N4BP2: variants seen among roughly 807,000 people sequenced by gnomAD.
The protein encoded by N4BP2 is NEDD4 binding protein 2.
A neutral mutation model predicts 152.8 loss-of-function variants in N4BP2; 91 were observed. The observed-to-expected ratio is 0.60, with a 90% CI of 0.50 to 0.71. The LOEUF (loss-of-function observed/expected upper bound fraction) is 0.71, where lower values mean the gene tolerates loss of function less well. Ranked by LOEUF, N4BP2 falls within the 30% of genes least tolerant of loss-of-function variation. The pLI is 0.00. For missense variants in N4BP2, 1,923 were observed against 2,059.1 expected, an observed-to-expected ratio of 0.93 and a Z score of 1.28; for synonymous variants, 646 against 705.3, an observed-to-expected ratio of 0.92 and a Z score of 1.33.
In N4BP2 at chr4:40,121,267, A is replaced by C; in HGVS notation, c.3156A>C (p.Lys1052Asn). Residue 1052 changes from lysine (K) to asparagine (N), a missense_variant, in exon 9 of 18, where the codon AAA (lysine) becomes AAC (asparagine). Transcript: ENST00000261435. ...LTGRLDGFKP[K>N]VFNINTKSDV... is the part of the protein sequence containing the mutation. ...GAAGATTAGATGGATTTAAGCCGAA[A>C]GTTTTCAATATTAACACAAAATCAG... 1.2e-6 allele frequency: 2 copies of C among 1,613,318 alleles called. No individual in the cohort carries two copies. The highest frequency in any genetic ancestry group is 2.7e-5 in the African/African-American group (2 of 74,932).
the N4BP2 span, among the ~76,000 whole-genome samples, chr4:40,185,869 C>A: frequency 6.6e-6 from 1 of 152,140 alleles, no homozygotes; most frequent in Non-Finnish European, 1.5e-5. Context: ...GAAACCAGAC[C>A]TTGCAATCCT....
chr4:40,112,156 A>G lies in N4BP2; in HGVS notation c.1571A>G (p.Lys524Arg). ...DNTNLQAWEMKPYVALSQKHK... is the reference protein window; with the variant it reads ...DNTNLQAWEMRPYVALSQKHK... Reference sequence around the variant, plus strand: ...ACAAACCTACAGGCATGGGAAATGAAACCATATGTTGCTTTGGTTAGTACC... The same window carrying G: ...ACAAACCTACAGGCATGGGAAATGAGACCATATGTTGCTTTGGTTAGTACC... The change falls in exon 6 of 18, where the codon AAA (lysine) becomes AGA (arginine). Residue 524 changes from lysine to arginine, a missense_variant. Physicochemically the swap from Lys to Arg is conservative, Grantham distance 26. Transcript: ENST00000261435. 1 of 1,570,892 alleles carries G rather than the reference A, an allele frequency of 6.4e-7. No individual in the cohort carries two copies. The highest frequency in any genetic ancestry group is 8.7e-7 in the Non-Finnish European group (1 of 1,149,470).
At chr4:40,146,790 C>G (rs926118495) in intron 16 of N4BP2, among the ~76,000 whole-genome samples, 1 of 151,002 alleles carries the variant, frequency 6.6e-6, no homozygotes, top group Non-Finnish European at 1.5e-5. Context: ...AAGCTTGTAC[C>G]CTTTGACCAG....
At chr4:40,133,090 A>G (rs1719042681) in intron 13 of N4BP2, among the ~76,000 whole-genome samples, 2 of 152,086 alleles carry the variant, frequency 1.3e-5, no homozygotes, top group Non-Finnish European at 2.9e-5. Flanking sequence ...CTTCTCAGAG[A>G]GAGAATCTTG....
At chr4:40,133,220 TAACA>T (rs1177962571) in intron 13 of N4BP2, among the ~76,000 whole-genome samples, 2 of 152,212 alleles carry the variant, frequency 1.3e-5, no homozygotes, top group Non-Finnish European at 2.9e-5. Flanking sequence ...CAGTCTTTAA[TAACA>T]TACATTTAAG....
Position 40,134,903 on chromosome 4 carries a change from TTCTC to T in N4BP2, c.4647-2025_4647-2022del, listed in dbSNP as rs137922312. Among the ~76,000 whole-genome samples the T allele has an allele frequency of 2.4e-3, 206 of 85,200 alleles. 5 individuals carry two copies. The highest frequency in any genetic ancestry group is 3.1e-3 in the East Asian group (10 of 3,248). 55.9% of individuals were successfully genotyped at this position (85,200 alleles called of 152,430 possible). On this transcript the variant is annotated intron_variant, in intron 13 of 17. Transcript: ENST00000261435. ...TTCCTTCCTCCCTTCCTTCCTTCCT[TTCTC>T]TCTCTCTCTCTCTCTTTCTTTCTTT... is the stretch of plus-strand genomic sequence containing the variant.
intron 16 of N4BP2, among the ~76,000 whole-genome samples, chr4:40,150,778 T>G (rs1474749707): frequency 6.6e-6 from 1 of 152,112 alleles, no homozygotes; most frequent in South Asian, 2.1e-4. Flanking sequence ...TTAAGAAATA[T>G]ATCAATCAAA....
At chr4:40,153,062 A>G (rs1253267356) in intron 17 of N4BP2, among the ~76,000 whole-genome samples, 159 bp downstream of exon 17, 1 of 152,260 alleles carries the variant, frequency 6.6e-6, no homozygotes, top group African/African-American at 2.4e-5. Context: ...CTGTTAAAAT[A>G]GTTAACTAAA....
At chr4:40,146,025 G>A (rs1363630445) in intron 16 of N4BP2, among the ~76,000 whole-genome samples, 1 of 152,042 alleles carries the variant, frequency 6.6e-6, no homozygotes, top group Non-Finnish European at 1.5e-5. Context: ...AGCCAGGCAT[G>A]GTGGCATGCA....
At chr4:40,148,674 A>C (rs1720854479) in intron 16 of N4BP2, among the ~76,000 whole-genome samples, 1 of 152,150 alleles carries the variant, frequency 6.6e-6, no homozygotes, top group Non-Finnish European at 1.5e-5. Context: ...ATTTAAAAGA[A>C]ATAGGAGGTC....
chr4:40,114,965 C>A (rs1717216113), intron 7 of N4BP2, among the ~76,000 whole-genome samples: 1 of 152,080 alleles, frequency 6.6e-6, no homozygotes, highest in African/African-American at 2.4e-5. Flanking sequence ...TTTATATTAT[C>A]TTCCTTCTTT....
At chr4:40,151,341 G>C (rs1721136144) in intron 16 of N4BP2, among the ~76,000 whole-genome samples, 2 of 151,952 alleles carry the variant, frequency 1.3e-5, no homozygotes, top group East Asian at 3.9e-4. Context: ...TTGTGACCTT[G>C]GTTCACTGCA....
the N4BP2 span, among the ~76,000 whole-genome samples, chr4:40,163,894 A>T: frequency 6.6e-6 from 1 of 152,166 alleles, no homozygotes; most frequent in Non-Finnish European, 1.5e-5. Flanking sequence ...GAATTTGCGA[A>T]ATCTTTCCCG....
rs1721598240 is a variant in N4BP2 at position 40,156,373 on chromosome 4, C to G, written c.*2136C>G. 6.6e-6 allele frequency: 1 copy of G among 152,086 alleles called. No individual in the cohort carries two copies. Among genetic ancestry groups the G allele is most frequent in the Non-Finnish European group, 1.5e-5 (1 of 67,980 alleles). The allele number at this position is 152,086 out of a possible 1,614,324, so 9.4% of individuals were successfully genotyped here. A position where few individuals can be genotyped will look rare whatever the true frequency, so the allele number is the denominator to read the frequency against. The stretch of plus-strand genomic sequence containing the variant: ...AAAAGCTATATTGTTTACTTGTTTA[C>G]TATATCAATGTTAATATTATGCCTT... On this transcript the variant is annotated 3_prime_UTR_variant, in exon 18 of 18. Coordinates refer to ENST00000261435, the MANE Select transcript of N4BP2 (RefSeq NM_018177.6).
chr4:40,166,012 C>G, the N4BP2 span, among the ~76,000 whole-genome samples: 1 of 152,082 alleles, frequency 6.6e-6, no homozygotes, highest in Admixed American at 6.6e-5. Context: ...GTGAATAGTT[C>G]TGGGCCTTTT....
the N4BP2 span, among the ~76,000 whole-genome samples, chr4:40,169,147 C>T: frequency 0.019 from 2,889 of 152,106 alleles, 87 homozygotes; most frequent in African/African-American, 0.065. Flanking sequence ...CTTTGGGAGG[C>T]CAAGGCGGGG....
At chr4:40,133,432 T>C (rs1579106381) in intron 13 of N4BP2, among the ~76,000 whole-genome samples, 1 of 150,836 alleles carries the variant, frequency 6.6e-6, no homozygotes, top group South Asian at 2.1e-4. Flanking sequence ...GCCTCCCGGG[T>C]TCAAGTGATT....
rs748197458 is a variant in N4BP2 at position 40,152,761 on chromosome 4, C to T, written c.5144-19C>T. On this transcript the variant is annotated intron_variant, in intron 16 of 17. Coordinates refer to ENST00000261435, the MANE Select transcript of N4BP2 (RefSeq NM_018177.6). ...GTAAGATAAATGAATTTTAACTCCC[C>T]TGATTTCTGTTGTAACAGAATTTAA... 6.8e-6 allele frequency: 11 copies of T among 1,612,830 alleles called. No homozygotes were observed. The highest frequency in any genetic ancestry group is 8.5e-6 in the Non-Finnish European group (10 of 1,179,372).
At chr4:40,147,978 G>A (rs868723526) in intron 16 of N4BP2, among the ~76,000 whole-genome samples, 1 of 151,418 alleles carries the variant, frequency 6.6e-6, no homozygotes, top group Middle Eastern at 3.2e-3. Context: ...GATGGCAGCC[G>A]GGAAGAGGCG....
Sources: gnomAD v4.1 joint callset for allele counts (sites outside exome capture counted in the v4.1 genomes callset) on GRCh38, gnomAD v4.1.1 for gene constraint, MANE v1.5 for transcripts, NCBI Gene and HGNC (gene_info 2026-07-23, HGNC 2026-07-21) for gene names.